MMS19: variants seen among roughly 807,000 people sequenced by gnomAD.
MMS19 encodes the protein MMS19 nucleotide excision repair protein homolog.
In MMS19, 77 loss-of-function variants were observed where a neutral mutation model predicts 129.8. That is an observed-to-expected ratio of 0.59 (90% confidence interval 0.49 to 0.72). The LOEUF is 0.72. MMS19 is among the 30% of genes least tolerant of loss of function. The pLI, the probability that MMS19 is intolerant of heterozygous loss-of-function variation, is 0.00. For missense variants in MMS19, 1,168 were observed against 1,266.3 expected (o/e 0.92, Z 1.18); for synonymous variants, 491 against 502.8 (o/e 0.98, Z 0.31).
chr10:97,484,646 T>TG (rs1252785159), intron 1 of MMS19, among the ~76,000 whole-genome samples: 1 of 152,156 alleles, frequency 6.6e-6, no homozygotes, highest in Non-Finnish European at 1.5e-5. Flanking sequence ...TGGCCGGGTG[T>TG]GGTGGCTCAT....
chr10:97,495,345 A>C (rs2039599473), intron 1 of MMS19, among the ~76,000 whole-genome samples: 2 of 152,218 alleles, frequency 1.3e-5, no homozygotes, highest in Admixed American at 1.3e-4. Context: ...TACAGCTGAC[A>C]CTTTCACCAG....
At chr10:97,498,641 G>T (rs2040252166), upstream of MMS19, 2 of 500,696 alleles carry the variant, frequency 4.0e-6, no homozygotes, top group Non-Finnish European at 7.0e-6. Context: ...CGGCTCCCCG[G>T]GAGACGGGCT....
chr10:97,488,606 A>T (rs29001269), intron 1 of MMS19, among the ~76,000 whole-genome samples: 52 of 152,252 alleles, frequency 3.4e-4, no homozygotes, highest in Admixed American at 1.5e-3. Context: ...TAGATTACTC[A>T]TAATACTTAA....
intron 1 of MMS19, among the ~76,000 whole-genome samples, chr10:97,495,565 C>T (rs1051313097): frequency 1.3e-5 from 2 of 152,188 alleles, no homozygotes; most frequent in African/African-American, 4.8e-5. Flanking sequence ...CTTCAACAAC[C>T]CTAACTAGGG....
chr10:97,498,464 T>C, upstream of MMS19: 1 of 1,527,318 alleles, frequency 6.5e-7, no homozygotes, highest in Non-Finnish European at 8.8e-7. Flanking sequence ...CCCGAGCCAA[T>C]CTCCGGGGAA....
rs1286675389 is a variant in MMS19, at chr10:97,461,616, T to C, written c.2191A>G (p.Ile731Val). Residue 731 changes from isoleucine (I) to valine (V), a missense_variant, in exon 23 of 31, where the codon ATC becomes GTC. Coordinates refer to ENST00000438925, the MANE Select transcript of MMS19 (RefSeq NM_022362.5). Reference protein sequence around the residue: ...FVCSLPRNVEIPQLNQLMREL... With the variant: ...FVCSLPRNVEVPQLNQLMREL... ...CGCATGAGTTGGTTCAGCTGAGGGATTTCCACCTACAGAAAACCTGGCCAT... is the reference window on the plus strand; with the variant it reads ...CGCATGAGTTGGTTCAGCTGAGGGACTTCCACCTACAGAAAACCTGGCCAT... 6.3e-7 allele frequency: 1 copy of C among 1,598,218 alleles called. No individual in the cohort carries two copies.
intron 2 of MMS19, among the ~76,000 whole-genome samples, chr10:97,482,046 C>G (rs1375151190): frequency 6.6e-6 from 1 of 152,138 alleles, no homozygotes; most frequent in African/African-American, 2.4e-5. Context: ...CATGGTGGCA[C>G]AAGCCTGTAG....
chr10:97,484,060 C>A, intron 2 of MMS19, 43 bp downstream of exon 2: 1 of 1,327,354 alleles, frequency 7.5e-7, no homozygotes, highest in East Asian at 2.5e-5. Flanking sequence ...TCAGAATACA[C>A]AGTCAGGGTT....
intron 4 of MMS19, 92 bp from the exon 5 acceptor site, chr10:97,478,021 A>G (rs1300418721): frequency 1.3e-6 from 1 of 789,908 alleles, no homozygotes; most frequent in Non-Finnish European, 2.0e-6. Context: ...AGCTACTGTA[A>G]GAATCACAGC....
chr10:97,494,011 T>C (rs187940635), intron 1 of MMS19, among the ~76,000 whole-genome samples: 3 of 152,192 alleles, frequency 2.0e-5, no homozygotes, highest in Admixed American at 6.5e-5. Context: ...CAAAACTCCA[T>C]CTCAAAAGCA....
In MMS19 at chr10:97,460,109, G is replaced by A. The variant is rs376765637; in HGVS notation, c.2593C>T (p.Arg865Cys). 32 of 1,613,880 alleles carry A rather than the reference G, an allele frequency of 2.0e-5. No homozygotes were observed. The highest frequency in any genetic ancestry group is 1.6e-4 in the Middle Eastern group (1 of 6,084). Residue 865 changes from arginine (R) to cysteine (C), a missense_variant, in exon 26 of 31, where the codon CGC becomes TGC. Physicochemically the swap from Arg to Cys is radical, Grantham distance 180. This residue lies in a region of MMS19 where 831 missense variants were observed against 910.8 expected (regional missense o/e 0.91). Transcript: ENST00000438925. Reference protein sequence around the residue: ...AGHAEVRIMFRQRFFTDNVPA... With the variant: ...AGHAEVRIMFCQRFFTDNVPA... The stretch of plus-strand genomic sequence containing the variant: ...ACATTATCTGTGAAGAACCGCTGGC[G>A]GAACATGATCCGCACTTCGGCATGG...
In MMS19 at chr10:97,477,857, GT is replaced by G; in HGVS notation, c.420del (p.Gln141SerfsTer26). 1 of 1,604,682 alleles carries G rather than the reference GT, an allele frequency of 6.2e-7. No individual in the cohort carries two copies. Among genetic ancestry groups the G allele is most frequent in the Non-Finnish European group, 8.5e-7 (1 of 1,175,516 alleles). ...VLKAIFQEVH[V>X]QSLPQVDRHT... ...CCAACATGACTGTTATCCCTCACCT[GT>G]ACATGCACTTCCTGGAAGATGGCTT... On this transcript the variant is annotated frameshift_variant, in exon 5 of 31. Transcript: ENST00000438925. LOFTEE classifies it high-confidence loss of function.
chr10:97,496,760 C>G (rs1479548282), intron 1 of MMS19, among the ~76,000 whole-genome samples: 1 of 152,142 alleles, frequency 6.6e-6, no homozygotes, highest in African/African-American at 2.4e-5. Flanking sequence ...TGAACGTACA[C>G]TTAAAGGTTT....
intron 1 of MMS19, among the ~76,000 whole-genome samples, chr10:97,494,112 A>G (rs2039409570): frequency 1.3e-5 from 2 of 152,172 alleles, no homozygotes; most frequent in Admixed American, 1.3e-4. Context: ...AAGCTAACAG[A>G]GAGTTAATTT....
At chr10:97,479,670 A>G (rs1362150848) in intron 3 of MMS19, among the ~76,000 whole-genome samples, 1 of 152,158 alleles carries the variant, frequency 6.6e-6, no homozygotes, top group Admixed American at 6.5e-5. Flanking sequence ...TATAAATCTA[A>G]TATCATATGT....
rs1285277201 is a variant in MMS19 at position 97,458,653 on chromosome 10, G to T, written c.*39C>A. ...GATGGCTCAACAGTTAGTAATCCCAGGTTAGATTGTCAGAACAGTCTAGGC... is the reference window on the plus strand; with the variant it reads ...GATGGCTCAACAGTTAGTAATCCCATGTTAGATTGTCAGAACAGTCTAGGC... On this transcript the variant is annotated 3_prime_UTR_variant, in exon 31 of 31. Transcript: ENST00000438925. 3 of 1,580,530 alleles carry T rather than the reference G, an allele frequency of 1.9e-6. No individual in the cohort carries two copies. Among genetic ancestry groups the T allele is most frequent in the Non-Finnish European group, 2.6e-6 (3 of 1,162,524 alleles).
chr10:97,495,581 A>G (rs924401066), intron 1 of MMS19, among the ~76,000 whole-genome samples: 5 of 152,234 alleles, frequency 3.3e-5, no homozygotes, highest in African/African-American at 1.2e-4. Context: ...TAGGGCTGTG[A>G]TCTAAGATTG....
intron 18 of MMS19, among the ~76,000 whole-genome samples, chr10:97,464,237 A>G (rs943291444): frequency 6.6e-6 from 1 of 152,110 alleles, no homozygotes; most frequent in Non-Finnish European, 1.5e-5. Context: ...GCACTTGTAT[A>G]TATTCTCTCC....
rs373373386 is a variant in MMS19 at position 97,460,898 on chromosome 10, A to G, written c.2412+9T>C. 2.9e-5 allele frequency: 45 copies of G among 1,570,862 alleles called. No individual in the cohort carries two copies. The highest frequency in any genetic ancestry group is 4.7e-5 in the South Asian group (4 of 85,728). On this transcript the variant is annotated intron_variant, in intron 24 of 30. Coordinates refer to ENST00000438925, the MANE Select transcript of MMS19 (RefSeq NM_022362.5). ...CTCTGGCTAACCAGACTCCACTCCA[A>G]CTCCTTACCCAGAGAAGAAGAGTGA...
Sources: allele counts gnomAD v4.1 joint callset (sites outside exome capture counted in the v4.1 genomes callset), GRCh38; gene constraint gnomAD v4.1.1; regional missense constraint gnomAD v4.1.1; transcripts MANE v1.5; gene names NCBI Gene and HGNC (gene_info 2026-07-23, HGNC 2026-07-21).